ARHGAP6: variants seen among roughly 807,000 people sequenced by gnomAD.
The protein encoded by ARHGAP6 is rho GTPase-activating protein 6.
Under a neutral mutation model 55.7 loss-of-function variants are expected in ARHGAP6, and 16 were observed. That is an observed-to-expected ratio of 0.29 (90% CI 0.19 to 0.44). The LOEUF (loss-of-function observed/expected upper bound fraction) is 0.44. Among genes scored for constraint, ARHGAP6 ranks in the 20% least tolerant of loss-of-function variants. The probability of loss-of-function intolerance (pLI) is 1.00; values close to 1 mark genes in which losing one functional copy is unlikely to be tolerated. For synonymous variants in ARHGAP6, 382 were observed against 360.9 expected (o/e 1.06, Z -0.66); for missense variants, 698 against 808.9 (o/e 0.86, Z 1.66).
At chrX:11,537,305 T>G (rs2051113520) in intron 1 of ARHGAP6, among the ~76,000 whole-genome samples, 1 of 111,992 alleles carries the variant, frequency 8.9e-6, no homozygotes, top group East Asian at 2.8e-4. Context: ...TTGTTGCAAC[T>G]GAGGTTCCTA....
At chrX:11,485,249 C>T (rs913844239) in intron 1 of ARHGAP6, among the ~76,000 whole-genome samples, 11 of 112,121 alleles carry the variant, frequency 9.8e-5, no homozygotes, top group Admixed American at 9.5e-4. Context: ...AAAGCCACTG[C>T]AAGTTTCATA....
At chrX:11,182,013 T>C (rs746776733) in intron 6 of ARHGAP6, 50 bp downstream of exon 6, 1 of 1,054,569 alleles carries the variant, frequency 9.5e-7, no homozygotes, top group East Asian at 3.2e-5. Flanking sequence ...CAAAAGGTAA[T>C]TCAATTGAAA....
At chrX:11,567,502 C>A (rs1464303174) in intron 1 of ARHGAP6, among the ~76,000 whole-genome samples, 1 of 100,716 alleles carries the variant, frequency 9.9e-6, no homozygotes, top group Admixed American at 1.1e-4. Flanking sequence ...TGCAGTGAGC[C>A]GAGATGGCGC....
At chrX:11,506,383 G>C (rs10127250) in intron 1 of ARHGAP6, among the ~76,000 whole-genome samples, 38,913 of 107,825 alleles carry the variant, frequency 0.36, 5,692 homozygotes, top group African/African-American at 0.51. Context: ...AATGTTATCC[G>C]TCCCCTAGCC....
At chrX:11,346,180 C>T (rs1485718335) in intron 1 of ARHGAP6, among the ~76,000 whole-genome samples, 4 of 111,559 alleles carry the variant, frequency 3.6e-5, no homozygotes, top group African/African-American at 1.3e-4. Context: ...GTAAGCAAAA[C>T]AATTTTTCTC....
chrX:11,334,924 T>C (rs759865570), intron 1 of ARHGAP6: 1 of 136,881 alleles, frequency 7.3e-6, no homozygotes, highest in Non-Finnish European at 1.5e-5. Flanking sequence ...ATAGCACCCG[T>C]GAAGTCAAAA....
Position 11,198,059 on chromosome X carries a change from A to G in ARHGAP6, c.749-1063T>C, listed in dbSNP as rs185705415. Among the ~76,000 whole-genome samples the G allele has an allele frequency of 5.8e-3, 647 of 112,216 alleles. 6 individuals carry two copies. The highest frequency in any genetic ancestry group is 0.02 in the African/African-American group (615 of 30,924). ...GCCCAATACATTTAAAAGCAAGACTATAATATCAGGATAAAACAGAGTAAG... is the reference window on the plus strand; with the variant it reads ...GCCCAATACATTTAAAAGCAAGACTGTAATATCAGGATAAAACAGAGTAAG... On this transcript the variant is annotated intron_variant, in intron 2 of 12. Coordinates refer to ENST00000337414, the MANE Select transcript of ARHGAP6 (RefSeq NM_013427.3).
At chrX:11,565,545 G>A (rs1455659582) in intron 1 of ARHGAP6, among the ~76,000 whole-genome samples, 2 of 112,529 alleles carry the variant, frequency 1.8e-5, no homozygotes, top group East Asian at 5.6e-4. Context: ...TATGGTGATG[G>A]CAGGCAGATG....
intron 2 of ARHGAP6, among the ~76,000 whole-genome samples, chrX:11,224,851 A>G (rs1483036661): frequency 9.0e-6 from 1 of 110,634 alleles, no homozygotes; most frequent in African/African-American, 3.3e-5. Context: ...GTATGTTGGG[A>G]AGATGGAGAA....
rs1419396909 is a variant in ARHGAP6 at position 11,362,929 on chromosome X, T to A, written c.589-108222A>T. On this transcript the variant is annotated intron_variant, in intron 1 of 12. Coordinates refer to ENST00000337414, the MANE Select transcript of ARHGAP6 (RefSeq NM_013427.3). ...AATACTGTCCACAAACACAGAATGTTTTTTCTATCTTTTCAGTTGACTAAG... is the reference window on the plus strand; with the variant it reads ...AATACTGTCCACAAACACAGAATGTATTTTCTATCTTTTCAGTTGACTAAG... Among the ~76,000 whole-genome samples, 6 of 111,857 alleles carry A rather than the reference T, an allele frequency of 5.4e-5. No homozygotes were observed. The Admixed American group carries it at 5.7e-4, about 11-fold the overall frequency.
intron 1 of ARHGAP6, among the ~76,000 whole-genome samples, chrX:11,650,650 C>A (rs1275412109): frequency 1.8e-5 from 2 of 112,509 alleles, no homozygotes; most frequent in African/African-American, 3.2e-5. Flanking sequence ...GAACCCTGAA[C>A]AAAAACCTAA....
intron 9 of ARHGAP6, among the ~76,000 whole-genome samples, chrX:11,163,343 A>G (rs2045975568): frequency 8.9e-6 from 1 of 112,289 alleles, no homozygotes; most frequent in Non-Finnish European, 1.9e-5. Flanking sequence ...AACTGCTATG[A>G]GGTAGTTTAT....
chrX:11,169,999 T>C (rs2046068234), intron 8 of ARHGAP6, among the ~76,000 whole-genome samples: 1 of 111,507 alleles, frequency 9.0e-6, no homozygotes, highest in Admixed American at 9.5e-5. Context: ...CACCCATCCA[T>C]CCATCTATCC....
At chrX:11,193,746 T>C (rs1372498116) in intron 3 of ARHGAP6, among the ~76,000 whole-genome samples, 6 of 112,522 alleles carry the variant, frequency 5.3e-5, no homozygotes, top group Non-Finnish European at 9.4e-5. Context: ...TATGATTTAG[T>C]TTAAAAAATC....
chrX:11,484,312 A>G (rs768911046), intron 1 of ARHGAP6, among the ~76,000 whole-genome samples: 27 of 109,175 alleles, frequency 2.5e-4, no homozygotes, highest in Non-Finnish European at 3.8e-4. Context: ...AAGAAAGGAG[A>G]GAGAGAGGAG....
chrX:11,515,706 T>A (rs1020022045), intron 1 of ARHGAP6, among the ~76,000 whole-genome samples: 12 of 112,690 alleles, frequency 1.1e-4, no homozygotes, highest in Admixed American at 5.7e-4. Flanking sequence ...CAAACTCATC[T>A]TGTTTATTAC....
intron 1 of ARHGAP6, among the ~76,000 whole-genome samples, chrX:11,323,473 T>C (rs1432858054): frequency 5.4e-5 from 6 of 112,001 alleles, no homozygotes; most frequent in Non-Finnish European, 1.1e-4. Flanking sequence ...TGGTGAAGAT[T>C]GGGTGGAAGA....
intron 1 of ARHGAP6, among the ~76,000 whole-genome samples, chrX:11,540,022 G>A (rs367955917): frequency 2.7e-5 from 3 of 110,628 alleles, no homozygotes; most frequent in African/African-American, 6.6e-5. Flanking sequence ...TAGGGAGGCC[G>A]AGGTAGGCGG....
At chrX:11,145,945 T>C (rs1489286116) in intron 10 of ARHGAP6, among the ~76,000 whole-genome samples, 1 of 112,195 alleles carries the variant, frequency 8.9e-6, no homozygotes, top group Non-Finnish European at 1.9e-5. Flanking sequence ...TAACCAAACC[T>C]TATTTTCCTC....
Sources: gnomAD v4.1 joint callset for allele counts (sites outside exome capture counted in the v4.1 genomes callset) on GRCh38, gnomAD v4.1.1 for gene constraint, MANE v1.5 for transcripts, NCBI Gene and HGNC (gene_info 2026-07-23, HGNC 2026-07-21) for gene names.